COL6A3: variants seen among roughly 807,000 people sequenced by gnomAD.
COL6A3 encodes collagen alpha-3(VI) chain.
Under a neutral mutation model 274.1 loss-of-function variants are expected in COL6A3, and 137 were observed. That is an observed-to-expected ratio of 0.50 (90% CI 0.44 to 0.58). The LOEUF is 0.58. COL6A3 is among the 20% of genes least tolerant of loss of function. The probability of loss-of-function intolerance (pLI) is 0.00; values close to 1 mark genes in which losing one functional copy is unlikely to be tolerated. For synonymous variants in COL6A3, 1,650 were observed against 1,650.6 expected, an observed-to-expected ratio of 1.00 and a Z score of 0.01; for missense variants, 3,950 against 4,124.9, an observed-to-expected ratio of 0.96 and a Z score of 1.16.
chr2:237,387,914 T>G lies in COL6A3; in HGVS notation c.980A>C (p.Asp327Ala). The G allele has an allele frequency of 6.2e-7, 1 of 1,614,068 alleles. No individual in the cohort carries two copies. Among genetic ancestry groups the G allele is most frequent in the African/African-American group, 1.3e-5 (1 of 75,020 alleles). Reference protein sequence around the residue: ...GELANIGLALDFVVENHFTRA... With the variant: ...GELANIGLALAFVVENHFTRA... ...GGTGAAGTGGTTCTCCACCACGAAA[T>G]CAAGGGCGAGGCCGATATTGGCCAA... The change falls in exon 4 of 44, where the codon GAT becomes GCT. Residue 327 changes from aspartate (D) to alanine (A), a missense_variant. By Grantham distance (126) the Asp-to-Ala change is moderately radical. This residue lies in a region of COL6A3 where 1,934 missense variants were observed against 1,984.3 expected (regional missense o/e 0.97). Transcript: ENST00000295550.
At chr2:237,393,669 T>C (rs2078349294) in intron 3 of COL6A3, among the ~76,000 whole-genome samples, 1 of 152,202 alleles carries the variant, frequency 6.6e-6, no homozygotes, top group Admixed American at 6.5e-5. Flanking sequence ...GCTCTGCCCA[T>C]CGCTGATGAG....
intron 18 of COL6A3, 38 bp from the exon 19 acceptor site, chr2:237,359,288 C>A: frequency 6.2e-7 from 1 of 1,614,102 alleles, no homozygotes; most frequent in Non-Finnish European, 8.5e-7. Context: ...GTATAGAAAG[C>A]TATTCTGGCA....
Position 237,395,198 on chromosome 2 carries a change from T to C in COL6A3, c.98A>G (p.Lys33Arg), listed in dbSNP as rs781141962. Residue 33 changes from lysine (K) to arginine (R), a missense_variant, in exon 3 of 44, where the codon AAA becomes AGA. Transcript: ENST00000295550. Reference protein sequence around the residue: ...THAQQQQADVKNGAAADIIFL... With the variant: ...THAQQQQADVRNGAAADIIFL... ...TATTATATCAGCAGCCGCACCATTTTTGACATCTTTAAAAAAAGACATTGG... is the reference window on the plus strand; with the variant it reads ...TATTATATCAGCAGCCGCACCATTTCTGACATCTTTAAAAAAAGACATTGG... 34 of 1,613,150 alleles carry C rather than the reference T, an allele frequency of 2.1e-5. No homozygotes were observed. Among genetic ancestry groups the C allele is most frequent in the Non-Finnish European group, 2.6e-5 (31 of 1,180,024 alleles).
At chr2:237,342,529 T>C (rs2077008883) in intron 36 of COL6A3, 1 of 264,934 alleles carries the variant, frequency 3.8e-6, no homozygotes, top group African/African-American at 2.2e-5. Context: ...TCGTTATTTT[T>C]AGCAACAATA....
rs75561681 is a variant in COL6A3, at chr2:237,333,238, T to G, written c.9328+212A>C. On this transcript the variant is annotated intron_variant, in intron 42 of 43. Transcript: ENST00000295550. ...GCCCCAAAAGCACCTCCCATCAAAT[T>G]TTCACTGAGTCTGATCACAGGTAAA... 46,946 of 605,992 alleles carry G rather than the reference T, an allele frequency of 0.077. 2,210 individuals are homozygous for G. Among genetic ancestry groups the G allele is most frequent in the Middle Eastern group, 0.11 (243 of 2,272 alleles). 37.5% of individuals were successfully genotyped at this position (605,992 alleles called of 1,614,324 possible).
chr2:237,340,628 T>C lies in COL6A3; in HGVS notation c.8288A>G (p.Lys2763Arg). The C allele has an allele frequency of 6.2e-7, 1 of 1,614,194 alleles. No homozygotes were observed. The highest frequency in any genetic ancestry group is 8.5e-7 in the Non-Finnish European group (1 of 1,180,026). ...EEAQRVILQA[K>R]CKGYFFVVLG... ...GACCACGAAGAAGTAGCCCTTGCATTTGGCCTGCAGGATGACTCTCTGGGC... is the reference window on the plus strand; with the variant it reads ...GACCACGAAGAAGTAGCCCTTGCATCTGGCCTGCAGGATGACTCTCTGGGC... The change falls in exon 38 of 44, where the codon AAA (lysine) becomes AGA (arginine). Residue 2763 changes from lysine to arginine, a missense_variant. Lys to Arg is a conservative substitution (Grantham distance 26, BLOSUM62 2). Coordinates refer to ENST00000295550, the MANE Select transcript of COL6A3 (RefSeq NM_004369.4).
chr2:237,393,395 C>T (rs916869201), intron 3 of COL6A3, among the ~76,000 whole-genome samples: 5 of 152,240 alleles, frequency 3.3e-5, no homozygotes, highest in African/African-American at 9.6e-5. Context: ...CCAAGCCCCA[C>T]TGCTTCCCTC....
intron 5 of COL6A3, among the ~76,000 whole-genome samples, chr2:237,379,836 T>G (rs546822649): frequency 1.3e-5 from 2 of 152,330 alleles, no homozygotes; most frequent in East Asian, 3.9e-4. Context: ...TGCTAGGCAA[T>G]CATCCAACAG....
In COL6A3 at chr2:237,357,819, T is replaced by G. The variant is rs953229166; in HGVS notation, c.6535A>C (p.Met2179Leu). Residue 2179 changes from methionine to leucine, a missense_variant and splice_region_variant, in exon 22 of 44, where the codon ATG (methionine) becomes CTG (leucine). Met to Leu is a conservative substitution (Grantham distance 15). Transcript: ENST00000295550. ...TCTAGGAATGTGCAGCACCTTACCA[T>G]GGGGCCGAGGTCACCGGTTTCTCCT... ...PKGETGDLGP[M>L]GVPGRDGVPG... 2 of 1,614,080 alleles carry G rather than the reference T, an allele frequency of 1.2e-6. No individual in the cohort carries two copies. Among genetic ancestry groups the G allele is most frequent in the Admixed American group, 1.7e-5 (1 of 60,028 alleles).
At position 237,381,374 on chromosome 2, in the gene COL6A3, C is replaced by T; in HGVS notation, c.1438G>A (p.Asp480Asn). Reference protein sequence around the residue: ...KVIQRLEIGQDLIQVAVAQYA... With the variant: ...KVIQRLEIGQNLIQVAVAQYA... ...TGGGCCACTGCCACCTGGATAAGAT[C>T]CTGTCCGATTTCCAGCCTCTGGATG... Residue 480 changes from aspartate (D) to asparagine (N), a missense_variant, in exon 5 of 44, where the codon GAT becomes AAT. Transcript: ENST00000295550. 2 of 1,614,180 alleles carry T rather than the reference C, an allele frequency of 1.2e-6. No individual in the cohort carries two copies. The highest frequency in any genetic ancestry group is 1.1e-5 in the South Asian group (1 of 91,074).
chr2:237,331,019 C>T (rs1389246456), intron 42 of COL6A3, among the ~76,000 whole-genome samples: 6 of 152,118 alleles, frequency 3.9e-5, no homozygotes, highest in East Asian at 1.9e-4. Flanking sequence ...GTAGCATCTA[C>T]TATTTAATAC....
In COL6A3 at chr2:237,336,139, G is replaced by A; in HGVS notation, c.8961C>T (p.Pro2987=). The A allele has an allele frequency of 6.2e-7, 1 of 1,613,586 alleles. No homozygotes were observed. The highest frequency in any genetic ancestry group is 8.5e-7 in the Non-Finnish European group (1 of 1,179,970). The change falls in exon 40 of 44, where the codon CCC becomes CCT. Residue 2987 remains proline, a synonymous_variant. Coordinates refer to ENST00000295550, the MANE Select transcript of COL6A3 (RefSeq NM_004369.4). ...PAATKPATTK[P]MVKMSREVQV... is the part of the protein sequence containing the mutation. The stretch of plus-strand genomic sequence containing the variant: ...CCCTAGCAAGGGCTTTCTTACCCAT[G>A]GGCTTAGTGGTGGCTGGCTTGGTGG...
intron 1 of COL6A3, among the ~76,000 whole-genome samples, chr2:237,405,117 A>T (rs970469535): frequency 2.5e-4 from 38 of 152,104 alleles, no homozygotes; most frequent in African/African-American, 9.2e-4. Context: ...ACGGGAGATA[A>T]TGCCTGTAGG....
At chr2:237,333,685 A>C (rs1700383519) in intron 41 of COL6A3, 137 bp from the exon 42 acceptor site, 1 of 750,078 alleles carries the variant, frequency 1.3e-6, no homozygotes, top group Non-Finnish European at 2.3e-6. Context: ...ACACAGATCC[A>C]AGACACCTCT....
chr2:237,359,333 A>T, intron 18 of COL6A3, 29 bp downstream of exon 18: 1 of 1,614,204 alleles, frequency 6.2e-7, no homozygotes, highest in Non-Finnish European at 8.5e-7. Context: ...AGAGTTTTCC[A>T]TTTGTAAAAC....
chr2:237,358,911 G>C lies in COL6A3; in HGVS notation c.6408+124C>G, dbSNP rs930735370. Reference sequence around the variant, plus strand: ...GGGGATGTAATGGGTGCACTCACAGGGGAGGTCAGGGAAGGCTGCCTGGAG... The same window carrying C: ...GGGGATGTAATGGGTGCACTCACAGCGGAGGTCAGGGAAGGCTGCCTGGAG... On this transcript the variant is annotated intron_variant, in intron 20 of 43. Coordinates refer to ENST00000295550, the MANE Select transcript of COL6A3 (RefSeq NM_004369.4). The C allele has an allele frequency of 4.9e-5, 49 of 994,776 alleles. 1 individual carries two copies. The South Asian group carries it at 6.3e-4, about 13-fold the overall frequency. 61.6% of individuals were successfully genotyped at this position (994,776 alleles called of 1,614,324 possible).
At chr2:237,348,223 A>G in intron 30 of COL6A3, 126 bp downstream of exon 30, 1 of 837,262 alleles carries the variant, frequency 1.2e-6, no homozygotes, top group Admixed American at 1.8e-5. Flanking sequence ...GGTCTTTCTC[A>G]GGGTAGCCCA....
chr2:237,366,069 G>A, intron 11 of COL6A3, 34 bp from the exon 12 acceptor site: 1 of 1,595,096 alleles, frequency 6.3e-7, no homozygotes, highest in Non-Finnish European at 8.6e-7. Flanking sequence ...TGAGTTCTCA[G>A]CTGGGGCTGA....
chr2:237,381,375 C>T lies in COL6A3; in HGVS notation c.1437G>A (p.Gln479=), dbSNP rs758139085. The change falls in exon 5 of 44, where the codon CAG becomes CAA. Residue 479 remains glutamine (Q), a synonymous_variant. Transcript: ENST00000295550. The part of the protein sequence containing the change: ...AKVIQRLEIG[Q]DLIQVAVAQY... The stretch of plus-strand genomic sequence containing the variant: ...GGGCCACTGCCACCTGGATAAGATC[C>T]TGTCCGATTTCCAGCCTCTGGATGA... 4.3e-6 allele frequency: 7 copies of T among 1,614,182 alleles called. No individual in the cohort carries two copies. Among genetic ancestry groups the T allele is most frequent in the Non-Finnish European group, 5.9e-6 (7 of 1,180,044 alleles).
Sources: gnomAD v4.1 joint callset for allele counts (sites outside exome capture counted in the v4.1 genomes callset) on GRCh38, gnomAD v4.1.1 for gene constraint, gnomAD v4.1.1 regional missense constraint, MANE v1.5 for transcripts, NCBI Gene and HGNC (gene_info 2026-07-23, HGNC 2026-07-21) for gene names.